CEP78: variants seen among roughly 807,000 people sequenced by gnomAD.
CEP78 encodes centrosomal protein of 78 kDa.
CEP78 carries 76 observed loss-of-function variants against 81.2 expected under a neutral mutation model. The observed-to-expected ratio is 0.94, with a 90% CI of 0.78 to 1.13. The LOEUF is 1.13. CEP78 is among the 50% of genes most tolerant of loss of function. The pLI is 0.00. For missense variants in CEP78, 918 were observed against 846.8 expected (o/e 1.08, Z -1.04); for synonymous variants, 293 against 301.4 (o/e 0.97, Z 0.29).
At position 78,248,333 on chromosome 9, in the gene CEP78, A is replaced by G. The variant is rs1189971307; in HGVS notation, c.935A>G (p.Asn312Ser). The change falls in exon 7 of 17, where the codon AAT becomes AGT. Residue 312 changes from asparagine (N) to serine (S), a missense_variant. Asn to Ser is a conservative substitution (Grantham distance 46, BLOSUM62 1). Coordinates refer to ENST00000643273, the MANE Select transcript of CEP78 (RefSeq NM_001330691.3). ...MKAVIKKVLQ[N>S]GRSAKSEYQW... Reference sequence around the variant, plus strand: ...GCAGTTATCAAAAAAGTCCTCCAGAATGGAAGGAGTGCCAAATCAGAGGTA... The same window carrying G: ...GCAGTTATCAAAAAAGTCCTCCAGAGTGGAAGGAGTGCCAAATCAGAGGTA... 17 of 1,581,582 alleles carry G rather than the reference A, an allele frequency of 1.1e-5. No homozygotes were observed. Among genetic ancestry groups the G allele is most frequent in the Non-Finnish European group, 8.7e-7 (1 of 1,150,540 alleles).
intron 11 of CEP78, among the ~76,000 whole-genome samples, chr9:78,262,662 A>G (rs1469363678): frequency 6.6e-6 from 1 of 152,152 alleles, no homozygotes; most frequent in African/African-American, 2.4e-5. Flanking sequence ...TATGCCTTCT[A>G]TGGTGAGCTG....
At chr9:78,268,897 C>T (rs922082790) in intron 16 of CEP78, among the ~76,000 whole-genome samples, 5 of 152,030 alleles carry the variant, frequency 3.3e-5, no homozygotes, top group African/African-American at 9.7e-5. Flanking sequence ...ACCTCGTGAT[C>T]CACCCACCTT....
chr9:78,254,904 T>C lies in CEP78; in HGVS notation c.1320T>C (p.Asp440=), dbSNP rs1485233451. 1.9e-6 allele frequency: 3 copies of C among 1,610,104 alleles called. No individual in the cohort carries two copies. Among genetic ancestry groups the C allele is most frequent in the Non-Finnish European group, 2.5e-6 (3 of 1,176,804 alleles). ...PSSSEVEEVD[D]SSESVHEVPE... Reference sequence around the variant, plus strand: ...CCTCTGAAGTTGAAGAGGTTGATGATTCTTCAGAGAGTGTTCATGAAGTGC... The same window carrying C: ...CCTCTGAAGTTGAAGAGGTTGATGACTCTTCAGAGAGTGTTCATGAAGTGC... The change falls in exon 11 of 17, where the codon GAT becomes GAC. Residue 440 remains aspartate, a synonymous_variant. Coordinates refer to ENST00000643273, the MANE Select transcript of CEP78 (RefSeq NM_001330691.3).
At chr9:78,258,156 A>G (rs1827124497) in intron 11 of CEP78, among the ~76,000 whole-genome samples, 1 of 152,212 alleles carries the variant, frequency 6.6e-6, no homozygotes, top group African/African-American at 2.4e-5. Flanking sequence ...GATCCTCAGA[A>G]TAACCTGTGG....
At chr9:78,267,671 C>T (rs1399881200) in intron 16 of CEP78, among the ~76,000 whole-genome samples, 1 of 152,060 alleles carries the variant, frequency 6.6e-6, no homozygotes, top group African/African-American at 2.4e-5. Context: ...AGAGAGGAAC[C>T]ACTTAAGGAA....
In CEP78 at chr9:78,277,756, A is replaced by G. The variant is rs999317218; in HGVS notation, c.*6905A>G. 2.0e-5 allele frequency: 3 copies of G among 152,188 alleles called. No homozygotes were observed. Among genetic ancestry groups the G allele is most frequent in the Non-Finnish European group, 2.9e-5 (2 of 68,004 alleles). 9.4% of individuals were successfully genotyped at this position (152,188 alleles called of 1,614,324 possible). A position where few individuals can be genotyped will look rare whatever the true frequency, so the allele number is the denominator to read the frequency against. ...GAAGAAATATTCACACAAGTGCCCA[A>G]AGAGTCAGATACAAGACTGTGTGAA... On this transcript the variant is annotated 3_prime_UTR_variant, in exon 17 of 17. Coordinates refer to ENST00000643273, the MANE Select transcript of CEP78 (RefSeq NM_001330691.3).
chr9:78,262,091 A>G (rs192467440), intron 11 of CEP78, among the ~76,000 whole-genome samples: 1 of 152,258 alleles, frequency 6.6e-6, no homozygotes, highest in East Asian at 1.9e-4. Flanking sequence ...AGAGAATCTT[A>G]CTTAGCTTAT....
chr9:78,261,824 T>C (rs759894652), intron 11 of CEP78, among the ~76,000 whole-genome samples: 1 of 152,174 alleles, frequency 6.6e-6, no homozygotes. Context: ...CTTTTTCCCA[T>C]AAAAACTTGG....
chr9:78,262,900 A>G lies in CEP78; in HGVS notation c.1381-7A>G, dbSNP rs1563995684. On this transcript the variant is annotated splice_region_variant and splice_polypyrimidine_tract_variant and intron_variant, in intron 11 of 16. Coordinates refer to ENST00000643273, the MANE Select transcript of CEP78 (RefSeq NM_001330691.3). The stretch of plus-strand genomic sequence containing the variant: ...ATTATAATATTTACTTTATTACTTA[A>G]TACTAGGAAAAACTGGAGGAGTGCC... 2.7e-6 allele frequency: 4 copies of G among 1,485,404 alleles called. No homozygotes were observed. The highest frequency in any genetic ancestry group is 2.5e-5 in the East Asian group (1 of 40,296). 92.0% of individuals were successfully genotyped at this position (1,485,404 alleles called of 1,614,324 possible).
Position 78,273,276 on chromosome 9 carries a change from G to A in CEP78, c.*2425G>A, listed in dbSNP as rs1004451331. Reference sequence around the variant, plus strand: ...ACGCTGTCATAGATTATAAAGAGATGAACAAAAATATACCAGGCAGATGCT... The same window carrying A: ...ACGCTGTCATAGATTATAAAGAGATAAACAAAAATATACCAGGCAGATGCT... On this transcript the variant is annotated 3_prime_UTR_variant, in exon 17 of 17. Transcript: ENST00000643273. 1 of 152,102 alleles carries A rather than the reference G, an allele frequency of 6.6e-6. No homozygotes were observed. Among genetic ancestry groups the A allele is most frequent in the Non-Finnish European group, 1.5e-5 (1 of 68,016 alleles). 9.4% of individuals were successfully genotyped at this position (152,102 alleles called of 1,614,324 possible).
At chr9:78,263,238 T>C (rs1318109947) in intron 12 of CEP78, among the ~76,000 whole-genome samples, 1 of 152,166 alleles carries the variant, frequency 6.6e-6, no homozygotes, top group Non-Finnish European at 1.5e-5. Flanking sequence ...CTGGAGCTTA[T>C]TTTCTGTTCA....
At position 78,243,348 on chromosome 9, in the gene CEP78, A is replaced by T. The variant is rs112633801; in HGVS notation, c.604-114A>T. 3 of 793,536 alleles carry T rather than the reference A, an allele frequency of 3.8e-6. No individual in the cohort carries two copies. In the African/African-American group the frequency reaches 5.4e-5, roughly 14 times the overall value. 49.2% of individuals were successfully genotyped at this position (793,536 alleles called of 1,614,324 possible). A position where few individuals can be genotyped will look rare whatever the true frequency, so the allele number is the denominator to read the frequency against. The stretch of plus-strand genomic sequence containing the variant: ...AGTCTGTCAGATTAACCCACCTGGC[A>T]TATGTACCTGGTGTGTGTGTAAAGC... On this transcript the variant is annotated intron_variant, in intron 4 of 16. Transcript: ENST00000643273.
chr9:78,258,496 C>T (rs760764193), intron 11 of CEP78, among the ~76,000 whole-genome samples: 12 of 152,070 alleles, frequency 7.9e-5, no homozygotes, highest in African/African-American at 2.9e-4. Flanking sequence ...ATGTATATCA[C>T]TAGAAGTTGA....
chr9:78,245,966 A>G (rs910162498), intron 5 of CEP78, among the ~76,000 whole-genome samples: 1 of 152,142 alleles, frequency 6.6e-6, no homozygotes, highest in Non-Finnish European at 1.5e-5. Flanking sequence ...GAATTTGATG[A>G]TGAATCTAGT....
chr9:78,263,449 A>T (rs967727225), intron 12 of CEP78, among the ~76,000 whole-genome samples: 3 of 152,198 alleles, frequency 2.0e-5, no homozygotes, highest in South Asian at 4.1e-4. Context: ...GCATAAGAGC[A>T]GGGCATAAAC....
chr9:78,242,862 TCTAGGC>T (rs1426758304), intron 4 of CEP78, among the ~76,000 whole-genome samples: 5 of 152,200 alleles, frequency 3.3e-5, no homozygotes, highest in African/African-American at 1.2e-4. Context: ...CTTTGTATAT[TCTAGGC>T]CTCTAAATTT....
Position 78,277,276 on chromosome 9 carries a change from GAAA to G in CEP78, c.*6431_*6433del, listed in dbSNP as rs369887995. 6.6e-6 allele frequency: 1 copy of G among 151,440 alleles called. No individual in the cohort carries two copies. The highest frequency in any genetic ancestry group is 1.5e-5 in the Non-Finnish European group (1 of 67,808). The allele number at this position is 151,440 out of a possible 1,614,324, so 9.4% of individuals were successfully genotyped here. ...CCAAGACACAAAACCCAGTAGCCAT[GAAA>G]AAAAAGATAGATTTGACTACATTTT... On this transcript the variant is annotated 3_prime_UTR_variant, in exon 17 of 17. Transcript: ENST00000643273.
chr9:78,243,771 A>G lies in CEP78; in HGVS notation c.778+135A>G, dbSNP rs144606104. ...TTCTAATAGGTTTTATTTTGTTTTT[A>G]AGCCTTTATAAAAGTTATATATATT... On this transcript the variant is annotated intron_variant, in intron 5 of 16. Transcript: ENST00000643273. The G allele has an allele frequency of 2.1e-4, 129 of 605,946 alleles. No individual in the cohort carries two copies. In the East Asian group the frequency reaches 4.1e-3, roughly 19 times the overall value. The allele number at this position is 605,946 out of a possible 1,614,324, so 37.5% of individuals were successfully genotyped here.
intron 10 of CEP78, 39 bp from the exon 11 acceptor site, chr9:78,254,797 G>A (rs776391496): frequency 6.5e-6 from 10 of 1,541,062 alleles, no homozygotes; most frequent in East Asian, 2.3e-5. Context: ...TTTGGTATTC[G>A]GTTTATATTA....
Sources: gnomAD v4.1 joint callset for allele counts (sites outside exome capture counted in the v4.1 genomes callset) on GRCh38, gnomAD v4.1.1 for gene constraint, MANE v1.5 for transcripts, NCBI Gene and HGNC (gene_info 2026-07-23, HGNC 2026-07-21) for gene names.